Variants in SEMA3E observed in about 807,000 individuals in gnomAD.
SEMA3E encodes semaphorin-3E.
SEMA3E carries 49 observed loss-of-function variants against 93.6 expected under a neutral mutation model. That is an observed-to-expected ratio of 0.52 (90% CI 0.42 to 0.66). The LOEUF (loss-of-function observed/expected upper bound fraction) is 0.66. Ranked by LOEUF, SEMA3E falls within the 30% of genes least tolerant of loss-of-function variation. The pLI, the probability that SEMA3E is intolerant of heterozygous loss-of-function variation, is 0.00. For missense variants in SEMA3E, 906 were observed against 964.8 expected (o/e 0.94, Z 0.81); for synonymous variants, 363 against 330.7 (o/e 1.10, Z -1.06).
At chr7:83,488,477 C>A (rs1467810313) in intron 2 of SEMA3E, among the ~76,000 whole-genome samples, 1 of 152,132 alleles carries the variant, frequency 6.6e-6, no homozygotes, top group East Asian at 1.9e-4. Context: ...GACTTCTCAG[C>A]AGCTCTACTA....
chr7:83,426,176 A>G (rs562684524), intron 4 of SEMA3E, among the ~76,000 whole-genome samples: 1 of 152,352 alleles, frequency 6.6e-6, no homozygotes, highest in East Asian at 1.9e-4. Flanking sequence ...GAGATTTCTC[A>G]AAAAACTTAA....
At chr7:83,382,696 C>T (rs1787800685) in intron 16 of SEMA3E, among the ~76,000 whole-genome samples, 1 of 151,372 alleles carries the variant, frequency 6.6e-6, no homozygotes, top group South Asian at 2.1e-4. Context: ...ATAAGGTCTA[C>T]AAGTCAAGGG....
intron 4 of SEMA3E, among the ~76,000 whole-genome samples, chr7:83,437,885 A>G (rs1295169682): frequency 2.0e-5 from 3 of 152,138 alleles, no homozygotes; most frequent in Non-Finnish European, 4.4e-5. Context: ...TTGAAGAGAT[A>G]CCTACTGGGA....
intron 1 of SEMA3E, among the ~76,000 whole-genome samples, chr7:83,501,506 G>T (rs1457896899): frequency 6.6e-6 from 1 of 152,078 alleles, no homozygotes; most frequent in African/African-American, 2.4e-5. Flanking sequence ...ATGCTGGAGT[G>T]CAGTGGCACG....
chr7:83,444,359 G>A (rs998123201), intron 4 of SEMA3E, among the ~76,000 whole-genome samples: 7 of 152,174 alleles, frequency 4.6e-5, no homozygotes, highest in African/African-American at 1.4e-4. Flanking sequence ...TCTTCCTCTT[G>A]TCAAGAGGTC....
chr7:83,413,213 G>T (rs1007894389), intron 5 of SEMA3E, among the ~76,000 whole-genome samples: 1 of 151,878 alleles, frequency 6.6e-6, no homozygotes, highest in Non-Finnish European at 1.5e-5. Context: ...CAAGAGTTTT[G>T]TTCATGGACT....
At chr7:83,603,624 T>G (rs1793043361) in intron 1 of SEMA3E, among the ~76,000 whole-genome samples, 1 of 152,188 alleles carries the variant, frequency 6.6e-6, no homozygotes, top group Admixed American at 6.5e-5. Context: ...GTTTAGTTGT[T>G]TAGCAAATTG....
chr7:83,551,855 C>T (rs1011478709), intron 1 of SEMA3E, among the ~76,000 whole-genome samples: 1 of 151,962 alleles, frequency 6.6e-6, no homozygotes, highest in Non-Finnish European at 1.5e-5. Flanking sequence ...CTGCTAGTTG[C>T]CAATAGAAAG....
intron 1 of SEMA3E, among the ~76,000 whole-genome samples, chr7:83,570,525 C>T (rs1693369): frequency 0.36 from 39,930 of 110,212 alleles, 7,886 homozygotes; most frequent in African/African-American, 0.57. Context: ...TGCACTCCAG[C>T]CTGGGCGACA....
chr7:83,401,713 C>G (rs928504952), intron 10 of SEMA3E, among the ~76,000 whole-genome samples: 4 of 152,016 alleles, frequency 2.6e-5, no homozygotes, highest in African/African-American at 9.7e-5. Context: ...TTTGTTTTCA[C>G]TTTGGGTTTT....
chr7:83,616,564 G>A (rs1405650281), intron 1 of SEMA3E: 4 of 307,090 alleles, frequency 1.3e-5, no homozygotes, highest in Non-Finnish European at 1.9e-5. Context: ...TTTTTCAAAA[G>A]TGCAACTTTC....
At chr7:83,410,832 A>G (rs191881332) in intron 5 of SEMA3E, among the ~76,000 whole-genome samples, 1 of 152,228 alleles carries the variant, frequency 6.6e-6, no homozygotes, top group East Asian at 1.9e-4. Context: ...TTTAATTATT[A>G]TAGTTGAGTT....
At chr7:83,442,942 T>C (rs1789147916) in intron 4 of SEMA3E, among the ~76,000 whole-genome samples, 1 of 152,156 alleles carries the variant, frequency 6.6e-6, no homozygotes, top group Non-Finnish European at 1.5e-5. Flanking sequence ...CTCTCCTTCT[T>C]AGTAGCTTGT....
intron 6 of SEMA3E, among the ~76,000 whole-genome samples, chr7:83,408,117 A>T (rs944279032): frequency 6.6e-6 from 1 of 152,172 alleles, no homozygotes; most frequent in African/African-American, 2.4e-5. Context: ...TGTTTTCCTT[A>T]TTCAAATACT....
chr7:83,371,196 A>G (rs1794744579), intron 16 of SEMA3E, among the ~76,000 whole-genome samples: 1 of 152,216 alleles, frequency 6.6e-6, no homozygotes, highest in South Asian at 2.1e-4. Flanking sequence ...TAGATTCTGA[A>G]CCACTTTCAA....
intron 4 of SEMA3E, among the ~76,000 whole-genome samples, chr7:83,439,501 G>A (rs1327972526): frequency 1.3e-5 from 2 of 152,204 alleles, no homozygotes; most frequent in African/African-American, 4.8e-5. Context: ...TTCTCAGGGA[G>A]AGGAGAAAAT....
intron 1 of SEMA3E, among the ~76,000 whole-genome samples, chr7:83,612,818 T>C (rs1435220634): frequency 6.6e-6 from 1 of 152,110 alleles, no homozygotes; most frequent in Non-Finnish European, 1.5e-5. Flanking sequence ...CCCAATAAGA[T>C]CTCTTCATCT....
intron 2 of SEMA3E, among the ~76,000 whole-genome samples, chr7:83,480,735 T>A (rs186112895): frequency 2.0e-5 from 3 of 152,290 alleles, no homozygotes; most frequent in African/African-American, 7.2e-5. Flanking sequence ...TTAAGTTCAA[T>A]TAAATTTTAC....
intron 1 of SEMA3E, among the ~76,000 whole-genome samples, chr7:83,553,539 A>G (rs1486199676): frequency 1.3e-5 from 2 of 152,298 alleles, no homozygotes; most frequent in Middle Eastern, 3.4e-3. Flanking sequence ...CTTCAATTTT[A>G]TATTACCAAA....
Sources: gnomAD v4.1 joint callset for allele counts (sites outside exome capture counted in the v4.1 genomes callset) on GRCh38, gnomAD v4.1.1 for gene constraint, MANE v1.5 for transcripts, NCBI Gene and HGNC (gene_info 2026-07-23, HGNC 2026-07-21) for gene names.